The following ZMYND11 variants were observed in gnomAD, a reference collection of about 807,000 sequenced individuals.
The protein encoded by ZMYND11 is zinc finger MYND domain-containing protein 11.
In ZMYND11, 9 loss-of-function variants were observed where a neutral mutation model predicts 84.9. The ratio of observed to expected loss-of-function variants is 0.11; its 90% CI spans 0.06 to 0.18. ZMYND11 has a LOEUF of 0.18. ZMYND11 is among the 10% of genes least tolerant of loss of function. ZMYND11 has a pLI of 1.00. For synonymous variants in ZMYND11, 250 were observed against 244.1 expected (o/e 1.02, Z -0.23); for missense variants, 409 against 761.0 (o/e 0.54, Z 5.44).
chr10:178,558 G>C (rs1847167683), intron 1 of ZMYND11, among the ~76,000 whole-genome samples: 1 of 152,140 alleles, frequency 6.6e-6, no homozygotes, highest in Non-Finnish European at 1.5e-5. Flanking sequence ...AGTGATTACT[G>C]TCTAAAATGG....
chr10:177,311 G>C (rs987023618), intron 1 of ZMYND11, among the ~76,000 whole-genome samples: 2 of 152,046 alleles, frequency 1.3e-5, no homozygotes, highest in African/African-American at 4.8e-5. Flanking sequence ...ACTTGGATTT[G>C]TCTTTCCCTG....
At chr10:239,389 T>C (rs1195632051) in intron 6 of ZMYND11, 49 bp from the exon 7 acceptor site, 1 of 1,500,802 alleles carries the variant, frequency 6.7e-7, no homozygotes, top group Non-Finnish European at 9.2e-7. Context: ...TCCAGACAAG[T>C]ATTTTTACTG....
chr10:178,322 A>G (rs1847113273), intron 1 of ZMYND11, among the ~76,000 whole-genome samples: 1 of 152,228 alleles, frequency 6.6e-6, no homozygotes, highest in Non-Finnish European at 1.5e-5. Flanking sequence ...GGACACCTGT[A>G]TATATTTTTA....
At chr10:243,155 C>T (rs1042630953) in intron 10 of ZMYND11, among the ~76,000 whole-genome samples, 5 of 152,130 alleles carry the variant, frequency 3.3e-5, no homozygotes, top group African/African-American at 7.2e-5. Context: ...AATCTTGATA[C>T]ATTAGTCAGT....
At chr10:217,125 C>CTT (rs10645093) in intron 3 of ZMYND11, among the ~76,000 whole-genome samples, 143,003 of 152,224 alleles carry the variant, frequency 0.94, 67,554 homozygotes, top group Non-Finnish European at 0.99. Flanking sequence ...CTTTAGAACA[C>CTT]TATTCAAACA....
chr10:237,023 A>G, intron 5 of ZMYND11, 108 bp downstream of exon 5: 2 of 1,066,862 alleles, frequency 1.9e-6, no homozygotes, highest in Non-Finnish European at 2.7e-6. Context: ...ACATAGCAAT[A>G]TGAAGTGTGG....
chr10:153,889 G>A (rs560523356), intron 1 of ZMYND11, among the ~76,000 whole-genome samples: 51 of 152,294 alleles, frequency 3.3e-4, no homozygotes, highest in African/African-American at 1.0e-3. Flanking sequence ...GCAGCCTCCT[G>A]ATCTGCAGAA....
In ZMYND11 at chr10:237,733, AAAG is replaced by A. The variant is rs1312032777; in HGVS notation, c.609+59_609+61del. Reference sequence around the variant, plus strand: ...AGTACATTTTCTTAACTAACAAGTTAAAGAATAATGTAGCAGTTAAGCAGATTT... The same window carrying A: ...AGTACATTTTCTTAACTAACAAGTTAAATAATGTAGCAGTTAAGCAGATTT... On this transcript the variant is annotated intron_variant, in intron 6 of 14. Transcript: ENST00000381604. 4 of 1,393,100 alleles carry A rather than the reference AAAG, an allele frequency of 2.9e-6. No individual in the cohort carries two copies. The East Asian group carries it at 9.3e-5, about 32-fold the overall frequency. The allele number at this position is 1,393,100 out of a possible 1,614,324, so 86.3% of individuals were successfully genotyped here.
chr10:155,637 C>T (rs567539880), intron 1 of ZMYND11, among the ~76,000 whole-genome samples: 15 of 152,274 alleles, frequency 9.9e-5, no homozygotes, highest in African/African-American at 3.4e-4. Flanking sequence ...TGTTTGGCTT[C>T]GCTAGTAATT....
At chr10:235,374 C>T (rs1949773640) in intron 4 of ZMYND11, among the ~76,000 whole-genome samples, 2 of 152,110 alleles carry the variant, frequency 1.3e-5, no homozygotes, top group African/African-American at 2.4e-5. Context: ...AGTTTTCAAA[C>T]AGAGAATTCT....
chr10:163,620 AT>A (rs1327403072), intron 1 of ZMYND11, among the ~76,000 whole-genome samples: 1 of 152,114 alleles, frequency 6.6e-6, no homozygotes, highest in Non-Finnish European at 1.5e-5. Flanking sequence ...TTAATTACAT[AT>A]ATTTTAAAAA....
intron 14 of ZMYND11, chr10:249,870 CAA>C (rs1340835312): frequency 1.2e-6 from 1 of 801,414 alleles, no homozygotes; most frequent in Non-Finnish European, 1.5e-6. Flanking sequence ...AAATCTGTGA[CAA>C]AGATTTGGCA....
chr10:193,575 C>T (rs910629212), intron 2 of ZMYND11, among the ~76,000 whole-genome samples: 1 of 152,164 alleles, frequency 6.6e-6, no homozygotes, highest in African/African-American at 2.4e-5. Flanking sequence ...AGCTTGAAAT[C>T]GTTAATAAAA....
chr10:157,195 A>C (rs916454599), intron 1 of ZMYND11, among the ~76,000 whole-genome samples: 1 of 152,138 alleles, frequency 6.6e-6, no homozygotes, highest in Non-Finnish European at 1.5e-5. Context: ...TTTCCGTAAT[A>C]GCTTTTTTAA....
intron 2 of ZMYND11, among the ~76,000 whole-genome samples, chr10:181,810 TA>T (rs1254824195): frequency 6.6e-6 from 1 of 152,060 alleles, no homozygotes; most frequent in Non-Finnish European, 1.5e-5. Flanking sequence ...AAGAATAAAA[TA>T]AATAGTACAT....
At chr10:237,798 C>G (rs1265523559) in intron 6 of ZMYND11, 121 bp downstream of exon 6, 5 of 644,160 alleles carry the variant, frequency 7.8e-6, no homozygotes, top group Non-Finnish European at 1.3e-5. Context: ...TACTTTTTTC[C>G]ACTTCCTAAA....
At chr10:201,329 T>C (rs190327582) in intron 2 of ZMYND11, among the ~76,000 whole-genome samples, 61 of 152,356 alleles carry the variant, frequency 4.0e-4, no homozygotes, top group African/African-American at 1.3e-3. Context: ...GCATTTGTTA[T>C]GTTTTTCATT....
intron 1 of ZMYND11, 92 bp from the exon 2 acceptor site, chr10:179,902 T>C: frequency 1.5e-6 from 1 of 663,228 alleles, no homozygotes. Context: ...GTATAATCAA[T>C]AGTTGAGAGG....
At chr10:246,062 G>C (rs1255427059) in intron 10 of ZMYND11, among the ~76,000 whole-genome samples, 4 of 152,052 alleles carry the variant, frequency 2.6e-5, no homozygotes, top group Non-Finnish European at 5.9e-5. Context: ...AATTTAAGCC[G>C]AGAAAGAGAC....
Sources: gnomAD v4.1 joint callset for allele counts (sites outside exome capture counted in the v4.1 genomes callset) on GRCh38, gnomAD v4.1.1 for gene constraint, MANE v1.5 for transcripts, NCBI Gene and HGNC (gene_info 2026-07-23, HGNC 2026-07-21) for gene names.